Variants in TCERG1L observed in about 807,000 individuals in gnomAD.
TCERG1L encodes transcription elongation regulator 1-like protein.
A neutral mutation model predicts 56.3 loss-of-function variants in TCERG1L; 37 were observed. That is an observed-to-expected ratio of 0.66 (90% CI 0.51 to 0.87). The LOEUF is 0.87. TCERG1L is among the 40% of genes least tolerant of loss of function. The pLI is 0.00. For missense variants in TCERG1L, 799 were observed against 774.2 expected (o/e 1.03, Z -0.38); for synonymous variants, 324 against 326.3 (o/e 0.99, Z 0.08).
At chr10:131,279,356 G>A (rs994800934) in intron 3 of TCERG1L, among the ~76,000 whole-genome samples, 12 of 152,222 alleles carry the variant, frequency 7.9e-5, no homozygotes, top group African/African-American at 1.2e-4. Context: ...AGTGCCATGC[G>A]TTGCCTGCAA....
At chr10:131,280,166 G>T (rs1846435650) in intron 3 of TCERG1L, among the ~76,000 whole-genome samples, 1 of 152,196 alleles carries the variant, frequency 6.6e-6, no homozygotes, top group Non-Finnish European at 1.5e-5. Context: ...ACTGGAAGCA[G>T]GAGGGGGCTT....
intron 4 of TCERG1L, among the ~76,000 whole-genome samples, chr10:131,228,520 A>G (rs1262779826): frequency 3.0e-5 from 1 of 33,786 alleles, no homozygotes; most frequent in Non-Finnish European, 5.4e-5. Flanking sequence ...TCTCCACTCC[A>G]GAAAGGCATT....
At chr10:131,306,171 A>G (rs2133586587) in intron 3 of TCERG1L, among the ~76,000 whole-genome samples, 1 of 152,302 alleles carries the variant, frequency 6.6e-6, no homozygotes, top group East Asian at 1.9e-4. Flanking sequence ...AACAGTTAGT[A>G]ACACATAAAT....
chr10:131,262,846 C>G (rs1026279905), intron 3 of TCERG1L, among the ~76,000 whole-genome samples: 3 of 152,288 alleles, frequency 2.0e-5, no homozygotes, highest in Admixed American at 6.5e-5. Flanking sequence ...CCCCCTAGCC[C>G]CTGGCAGCCG....
intron 10 of TCERG1L, among the ~76,000 whole-genome samples, chr10:131,100,565 T>C (rs1224688120): frequency 6.6e-6 from 1 of 152,230 alleles, no homozygotes; most frequent in Non-Finnish European, 1.5e-5. Context: ...GGCTGTTATA[T>C]CATTGCTGTA....
At chr10:131,290,948 CGTTG>C (rs1289232493) in intron 3 of TCERG1L, among the ~76,000 whole-genome samples, 1 of 152,154 alleles carries the variant, frequency 6.6e-6, no homozygotes, top group Non-Finnish European at 1.5e-5. Flanking sequence ...AGGCGTGGCC[CGTTG>C]CATCCCACTT....
Position 131,223,466 on chromosome 10 carries a change from T to C in TCERG1L, c.856+36793A>G, listed in dbSNP as rs1484472025. On this transcript the variant is annotated intron_variant, in intron 4 of 11. Transcript: ENST00000368642. ...CATCCTGATGATTCAGATACTGTTT[T>C]GGGTCCACCCTTTCCTATATCTGCC... 3.9e-5 allele frequency among the ~76,000 whole-genome samples: 6 copies of C among 152,344 alleles called. No homozygotes were observed. In the East Asian group the frequency reaches 5.8e-4, roughly 15 times the overall value.
intron 4 of TCERG1L, among the ~76,000 whole-genome samples, chr10:131,244,917 G>T (rs1050890702): frequency 1.3e-5 from 2 of 152,176 alleles, no homozygotes; most frequent in Non-Finnish European, 2.9e-5. Context: ...CACAGGCAGG[G>T]CCAGGTGTCT....
intron 4 of TCERG1L, among the ~76,000 whole-genome samples, chr10:131,192,860 A>T (rs1845318739): frequency 6.9e-6 from 1 of 145,774 alleles, no homozygotes; most frequent in Non-Finnish European, 1.5e-5. Flanking sequence ...ACTAAGAAAC[A>T]GGGAGAGTGT....
chr10:131,119,812 C>A (rs1845495889), intron 8 of TCERG1L, among the ~76,000 whole-genome samples: 1 of 152,206 alleles, frequency 6.6e-6, no homozygotes, highest in Non-Finnish European at 1.5e-5. Flanking sequence ...CCCGAGGACA[C>A]ACTAATTGGT....
At chr10:131,139,020 C>G (rs1845703617) in intron 7 of TCERG1L, among the ~76,000 whole-genome samples, 1 of 152,150 alleles carries the variant, frequency 6.6e-6, no homozygotes, top group Non-Finnish European at 1.5e-5. Flanking sequence ...AAATGGCCAG[C>G]AAACCTGTGA....
intron 6 of TCERG1L, among the ~76,000 whole-genome samples, chr10:131,151,214 C>G (rs1182603487): frequency 6.6e-6 from 1 of 152,200 alleles, no homozygotes; most frequent in African/African-American, 2.4e-5. Flanking sequence ...TTAATTCATT[C>G]CAGCATTAAC....
At chr10:131,166,590 C>T (rs1846032466) in intron 5 of TCERG1L, among the ~76,000 whole-genome samples, 1 of 152,230 alleles carries the variant, frequency 6.6e-6, no homozygotes. Flanking sequence ...GAGCTTCAGA[C>T]CCAGATCTGG....
At chr10:131,154,882 G>C (rs141506526) in intron 6 of TCERG1L, among the ~76,000 whole-genome samples, 1 of 152,230 alleles carries the variant, frequency 6.6e-6, no homozygotes, top group Admixed American at 6.5e-5. Context: ...CACCTGCCGC[G>C]TGACTGTGTG....
At chr10:131,239,887 A>T (rs1321001046) in intron 4 of TCERG1L, among the ~76,000 whole-genome samples, 1 of 152,190 alleles carries the variant, frequency 6.6e-6, no homozygotes, top group Non-Finnish European at 1.5e-5. Flanking sequence ...GCCCCTAGAA[A>T]GGGTGCGGTG....
rs1372865681 is a variant in TCERG1L, at chr10:131,103,704, T to C, written c.1485+561A>G. Reference sequence around the variant, plus strand: ...AGATCCTGTCTAAAATAAAATGAAATAAAATAAAATAAAAGGTTTTGACGG... The same window carrying C: ...AGATCCTGTCTAAAATAAAATGAAACAAAATAAAATAAAAGGTTTTGACGG... On this transcript the variant is annotated intron_variant, in intron 10 of 11. Transcript: ENST00000368642. This position sits in a 1 kb window ranked among gnomAD's most constrained non-coding sequence, Gnocchi z 4.3. Among the ~76,000 whole-genome samples the C allele has an allele frequency of 6.6e-6, 1 of 152,042 alleles. No individual in the cohort carries two copies. Among genetic ancestry groups the C allele is most frequent in the African/African-American group, 2.4e-5 (1 of 41,392 alleles).
chr10:131,227,935 C>T (rs1264238450), intron 4 of TCERG1L, among the ~76,000 whole-genome samples: 4 of 152,126 alleles, frequency 2.6e-5, no homozygotes, highest in Admixed American at 6.5e-5. Context: ...TCTTCCTGCT[C>T]CCTGGCTGAG....
chr10:131,197,268 G>A (rs1355694392), intron 4 of TCERG1L, among the ~76,000 whole-genome samples: 2 of 151,034 alleles, frequency 1.3e-5, no homozygotes, highest in Non-Finnish European at 2.9e-5. Flanking sequence ...TGCAAGCTCC[G>A]CCTCCCAGGT....
chr10:131,206,313 C>T (rs893434163), intron 4 of TCERG1L, among the ~76,000 whole-genome samples: 16 of 152,208 alleles, frequency 1.1e-4, no homozygotes, highest in East Asian at 5.8e-4. Context: ...GAGGTCAGCC[C>T]GGGACACACC....
Sources: gnomAD v4.1 joint callset for allele counts (sites outside exome capture counted in the v4.1 genomes callset) on GRCh38, gnomAD v4.1.1 for gene constraint, Gnocchi (gnomAD v3.1) non-coding constraint, MANE v1.5 for transcripts, NCBI Gene and HGNC (gene_info 2026-07-23, HGNC 2026-07-21) for gene names.